Variants in TBC1D22A observed in about 807,000 individuals in gnomAD.
The protein encoded by TBC1D22A is putative GTPase activator.
In TBC1D22A, 38 loss-of-function variants were observed where a neutral mutation model predicts 60.2. The ratio of observed to expected loss-of-function variants is 0.63; its 90% confidence interval spans 0.49 to 0.83. The LOEUF (loss-of-function observed/expected upper bound fraction) is 0.83. TBC1D22A is among the 40% of genes least tolerant of loss of function. The pLI, the probability that TBC1D22A is intolerant of heterozygous loss-of-function variation, is 0.00. For missense variants in TBC1D22A, 628 were observed against 701.0 expected, an observed-to-expected ratio of 0.90 and a Z score of 1.18; for synonymous variants, 302 against 281.7, an observed-to-expected ratio of 1.07 and a Z score of -0.72.
At position 47,086,647 on chromosome 22, in the gene TBC1D22A, G is replaced by T. The variant is rs1352686867; in HGVS notation, c.1330-24861G>T. Among the ~76,000 whole-genome samples the T allele has an allele frequency of 2.0e-5, 3 of 152,230 alleles. No individual in the cohort carries two copies. In the East Asian group the frequency reaches 5.8e-4, roughly 29 times the overall value. On this transcript the variant is annotated intron_variant, in intron 11 of 12. Coordinates refer to ENST00000337137, the MANE Select transcript of TBC1D22A (RefSeq NM_014346.5). ...TATACGCGATAGTATTTTATCATAG[G>T]TAATATTATCTAATGCCCAACAGCA...
At chr22:47,097,198 C>T (rs1294098932) in intron 11 of TBC1D22A, among the ~76,000 whole-genome samples, 2 of 70,146 alleles carry the variant, frequency 2.9e-5, no homozygotes, top group East Asian at 7.1e-4. Context: ...ACAGTCTTCA[C>T]CTTGTCGTTT....
chr22:46,892,100 T>C (rs1328115986), intron 6 of TBC1D22A, among the ~76,000 whole-genome samples: 1 of 152,204 alleles, frequency 6.6e-6, no homozygotes, highest in Non-Finnish European at 1.5e-5. Context: ...ACTGTCTTTG[T>C]AATATGTGAA....
rs1351501112 is a variant in TBC1D22A, at chr22:46,990,773, C to T, written c.1126-6861C>T. 2.6e-5 allele frequency among the ~76,000 whole-genome samples: 4 copies of T among 152,210 alleles called. No homozygotes were observed. The highest frequency in any genetic ancestry group is 2.0e-4 in the Admixed American group (3 of 15,286). ...CATCCCACTGCTCCTGCTGCGGTGG[C>T]TTCTCTCCCCGTTGGCTTGCTGGCT... On this transcript the variant is annotated intron_variant, in intron 9 of 12. Transcript: ENST00000337137. This position sits in a 1 kb window ranked among gnomAD's most constrained non-coding sequence, Gnocchi z 4.6.
At chr22:47,160,346 G>A (rs80332514) in intron 12 of TBC1D22A, among the ~76,000 whole-genome samples, 349 of 152,328 alleles carry the variant, frequency 2.3e-3, no homozygotes, top group African/African-American at 8.1e-3. Flanking sequence ...CTGGGGATCC[G>A]GGGCCAGGCT....
chr22:46,851,342 G>A (rs760881746), intron 4 of TBC1D22A, among the ~76,000 whole-genome samples: 4 of 152,190 alleles, frequency 2.6e-5, no homozygotes, highest in African/African-American at 7.2e-5. Context: ...GTTCAAACCC[G>A]GGCTGGGGCA....
intron 7 of TBC1D22A, 76 bp downstream of exon 7, chr22:46,894,922 G>A (rs766722562): frequency 4.8e-5 from 74 of 1,529,544 alleles, no homozygotes; most frequent in Non-Finnish European, 6.5e-5. Context: ...GACAGTGGGC[G>A]CAGCCGGAGG....
intron 4 of TBC1D22A, among the ~76,000 whole-genome samples, chr22:46,807,916 A>G (rs553485201): frequency 6.6e-6 from 1 of 152,324 alleles, no homozygotes; most frequent in East Asian, 1.9e-4. Flanking sequence ...ACAGTGAGCT[A>G]TGATCATGCC....
chr22:46,789,407 C>G (rs1323253081), intron 1 of TBC1D22A: 1 of 458,240 alleles, frequency 2.2e-6, no homozygotes, highest in Admixed American at 2.5e-5. Context: ...TTTCTGTGCT[C>G]CTGTGACATG....
At position 47,173,665 on chromosome 22, in the gene TBC1D22A, G is replaced by C. The variant is rs112202260; in HGVS notation, c.*39G>C. The C allele has an allele frequency of 1.3e-4, 213 of 1,610,222 alleles. 1 individual carries two copies. In the African/African-American group the frequency reaches 2.2e-3, roughly 16 times the overall value. On this transcript the variant is annotated 3_prime_UTR_variant, in exon 13 of 13. Transcript: ENST00000337137. The stretch of plus-strand genomic sequence containing the variant: ...CGCAGCTGGCCTCACTGTCCCGGGT[G>C]GCGCGCCCCACCTGCCTGGCTGGTG...
intron 10 of TBC1D22A, among the ~76,000 whole-genome samples, chr22:47,016,082 T>C (rs2061903623): frequency 6.6e-6 from 1 of 152,212 alleles, no homozygotes; most frequent in Non-Finnish European, 1.5e-5. Flanking sequence ...TCCCTGGTTC[T>C]GTCCCGGCAC....
intron 12 of TBC1D22A, among the ~76,000 whole-genome samples, chr22:47,139,594 C>T (rs983273293): frequency 2.6e-5 from 4 of 152,332 alleles, no homozygotes; most frequent in Middle Eastern, 3.4e-3. Context: ...GCTGCTGGAG[C>T]GTGGCCCACT....
intron 1 of TBC1D22A, among the ~76,000 whole-genome samples, chr22:46,771,869 A>G (rs911843550): frequency 6.6e-6 from 1 of 152,060 alleles, no homozygotes; most frequent in Non-Finnish European, 1.5e-5. Context: ...TGCTGAGATT[A>G]CAGGCGTGAA....
intron 4 of TBC1D22A, among the ~76,000 whole-genome samples, chr22:46,824,983 G>A (rs568076893): frequency 8.5e-5 from 13 of 152,184 alleles, no homozygotes; most frequent in African/African-American, 2.9e-4. Context: ...GGATGGGGAC[G>A]TGGGGTGTGG....
At chr22:46,905,792 G>C (rs1232994207) in intron 7 of TBC1D22A, among the ~76,000 whole-genome samples, 1 of 152,226 alleles carries the variant, frequency 6.6e-6, no homozygotes, top group East Asian at 1.9e-4. Flanking sequence ...GGGCGGGCAG[G>C]AATCAGTGGT....
At chr22:47,124,767 G>T (rs539382723) in intron 12 of TBC1D22A, among the ~76,000 whole-genome samples, 1 of 152,238 alleles carries the variant, frequency 6.6e-6, no homozygotes, top group South Asian at 2.1e-4. Context: ...TGAGGGGCCC[G>T]CGGGGGAAGC....
Position 46,908,195 on chromosome 22 carries a change from C to T in TBC1D22A, c.901-3879C>T, listed in dbSNP as rs111562916. Reference sequence around the variant, plus strand: ...AAGACCAGCCAGGAGACTGTCACTGCGGACCAGGCACAAGGTGATGGTGGT... The same window carrying T: ...AAGACCAGCCAGGAGACTGTCACTGTGGACCAGGCACAAGGTGATGGTGGT... On this transcript the variant is annotated intron_variant, in intron 7 of 12. Coordinates refer to ENST00000337137, the MANE Select transcript of TBC1D22A (RefSeq NM_014346.5). Among the ~76,000 whole-genome samples, 350 of 152,296 alleles carry T rather than the reference C, an allele frequency of 2.3e-3. 1 individual carries two copies. The highest frequency in any genetic ancestry group is 8.0e-3 in the African/African-American group (334 of 41,550).
At chr22:46,975,741 T>C (rs1413066924) in intron 9 of TBC1D22A, among the ~76,000 whole-genome samples, 1 of 152,254 alleles carries the variant, frequency 6.6e-6, no homozygotes, top group African/African-American at 2.4e-5. Flanking sequence ...GCCTGTGGTC[T>C]AAGGTTTAGA....
At chr22:46,812,257 C>A (rs1484967852) in intron 4 of TBC1D22A, among the ~76,000 whole-genome samples, 1 of 152,200 alleles carries the variant, frequency 6.6e-6, no homozygotes, top group East Asian at 1.9e-4. Flanking sequence ...GGTCTGGTGG[C>A]AGCTTCTGCT....
intron 11 of TBC1D22A, among the ~76,000 whole-genome samples, chr22:47,088,042 C>T (rs998057494): frequency 6.6e-6 from 1 of 151,802 alleles, no homozygotes; most frequent in African/African-American, 2.4e-5. Context: ...CACTGCACTC[C>T]AGCCTGGGCA....
Sources: gnomAD v4.1 joint callset for allele counts (sites outside exome capture counted in the v4.1 genomes callset) on GRCh38, gnomAD v4.1.1 for gene constraint, Gnocchi (gnomAD v3.1) non-coding constraint, MANE v1.5 for transcripts, NCBI Gene and HGNC (gene_info 2026-07-23, HGNC 2026-07-21) for gene names.